The following LAP3 variants were observed in gnomAD, a reference collection of about 807,000 sequenced individuals.
LAP3 encodes the protein leucine aminopeptidase 3.
Under a neutral mutation model 58.8 loss-of-function variants are expected in LAP3, and 46 were observed. The ratio of observed to expected loss-of-function variants is 0.78; its 90% CI spans 0.62 to 1.00. LAP3 has a LOEUF of 1.00. Among genes scored for constraint, LAP3 ranks in the 50% least tolerant of loss-of-function variants. LAP3 has a pLI of 0.00. For synonymous variants in LAP3, 257 were observed against 237.7 expected (o/e 1.08, Z -0.75); for missense variants, 615 against 659.1 (o/e 0.93, Z 0.73).
intron 8 of LAP3, 72 bp from the exon 9 acceptor site, chr4:17,596,973 TG>T: frequency 7.4e-7 from 1 of 1,353,418 alleles, no homozygotes; most frequent in Non-Finnish European, 1.1e-6. Flanking sequence ...GGCTCACAGG[TG>T]GCCTCTTGTC....
intron 10 of LAP3, among the ~76,000 whole-genome samples, chr4:17,601,329 T>A (rs980924827): frequency 6.6e-6 from 1 of 152,190 alleles, no homozygotes; most frequent in Non-Finnish European, 1.5e-5. Context: ...TTTAGCTATA[T>A]AATAAAATCA....
intron 7 of LAP3, among the ~76,000 whole-genome samples, chr4:17,593,613 T>TTTTTTTTGTTTG (rs1713754246): frequency 7.5e-6 from 1 of 132,456 alleles, no homozygotes; most frequent in African/African-American, 2.9e-5. Flanking sequence ...GCTTGGGTTT[T>TTTTTTTTGTTTG]TTTTTTTTTT....
At chr4:17,586,430 T>G (rs1430879058) in intron 6 of LAP3, among the ~76,000 whole-genome samples, 1 of 152,204 alleles carries the variant, frequency 6.6e-6, no homozygotes, top group Non-Finnish European at 1.5e-5. Context: ...ATAAAATTTC[T>G]GGAATGGTTA....
Position 17,579,921 on chromosome 4 carries a change from TGA to T in LAP3, c.207_208del (p.Glu69AspfsTer47). 6.2e-7 allele frequency: 1 copy of T among 1,604,580 alleles called. No homozygotes were observed. The highest frequency in any genetic ancestry group is 8.5e-7 in the Non-Finnish European group (1 of 1,172,056). ...TTTGATAAATTGTTAGCTGGAAAGCTGAGAGAGACTTTGAACATGTAAGTGTT... is the reference window on the plus strand; with the variant it reads ...TTTGATAAATTGTTAGCTGGAAAGCTGAGAGACTTTGAACATGTAAGTGTT... On this transcript the variant is annotated frameshift_variant, in exon 2 of 13. Transcript: ENST00000226299. LOFTEE classifies it high-confidence loss of function.
Position 17,598,446 on chromosome 4 carries a change from C to T in LAP3, c.1078-10C>T. The T allele has an allele frequency of 1.9e-6, 3 of 1,595,980 alleles. No individual in the cohort carries two copies. The highest frequency in any genetic ancestry group is 2.2e-5 in the East Asian group (1 of 44,774). The stretch of plus-strand genomic sequence containing the variant: ...GCGCTGTCACCCTTTCTGTTTTTGA[C>T]CCTCTGCAGGTTGATAACACTGATG... On this transcript the variant is annotated splice_polypyrimidine_tract_variant and intron_variant, in intron 9 of 12. Transcript: ENST00000226299.
intron 7 of LAP3, among the ~76,000 whole-genome samples, chr4:17,589,192 C>T (rs924979891): frequency 6.6e-5 from 10 of 151,914 alleles, no homozygotes; most frequent in African/African-American, 2.4e-4. Flanking sequence ...TCCCAAGTAG[C>T]TGGGATTACA....
chr4:17,588,618 TGAG>T (rs1261831879), intron 6 of LAP3, among the ~76,000 whole-genome samples, 198 bp from the exon 7 acceptor site: 3 of 152,176 alleles, frequency 2.0e-5, no homozygotes, highest in African/African-American at 7.2e-5. Flanking sequence ...ATTTTATAGA[TGAG>T]GAAATAGGCT....
intron 7 of LAP3, 90 bp downstream of exon 7, chr4:17,589,067 T>A (rs1298783797): frequency 1.1e-4 from 158 of 1,384,944 alleles, no homozygotes; most frequent in Non-Finnish European, 1.4e-4. Context: ...GGTTTGATTT[T>A]TTTTTTTTTT....
At chr4:17,597,020 G>T (rs761449050) in intron 8 of LAP3, 26 bp from the exon 9 acceptor site, 2 of 1,611,042 alleles carry the variant, frequency 1.2e-6, no homozygotes, top group East Asian at 2.2e-5. Context: ...TATATACTGT[G>T]TGCCTTCATA....
At chr4:17,604,717 T>G in intron 11 of LAP3, 50 bp downstream of exon 11, 1 of 1,363,188 alleles carries the variant, frequency 7.3e-7, no homozygotes, top group Non-Finnish European at 1.1e-6. Flanking sequence ...GAATAAATTA[T>G]TCTAGCCTTA....
Position 17,577,279 on chromosome 4 carries a change from A to T in LAP3, c.-187A>T. ...GAGTCCCCTCCACAACCGCGGTTTG[A>T]TCCCAGCGGTCCAGTCGGCCGGTGC... On this transcript the variant is annotated 5_prime_UTR_variant, in exon 1 of 13. Coordinates refer to ENST00000226299, the MANE Select transcript of LAP3 (RefSeq NM_015907.3). 2 of 88,688 alleles carry T rather than the reference A, an allele frequency of 2.3e-5. No homozygotes were observed. Among genetic ancestry groups the T allele is most frequent in the Non-Finnish European group, 2.0e-5 (1 of 49,710 alleles). 5.5% of individuals were successfully genotyped at this position (88,688 alleles called of 1,614,324 possible).
chr4:17,603,083 G>A (rs1015058446), intron 10 of LAP3, among the ~76,000 whole-genome samples: 21 of 151,582 alleles, frequency 1.4e-4, no homozygotes, highest in African/African-American at 2.4e-4. Context: ...CGAGGTGGGT[G>A]GATCACGAGG....
At chr4:17,593,936 C>T (rs1056782872) in intron 7 of LAP3, among the ~76,000 whole-genome samples, 1 of 151,996 alleles carries the variant, frequency 6.6e-6, no homozygotes, top group African/African-American at 2.4e-5. Context: ...TTTCACACAA[C>T]AAAACCTACT....
intron 10 of LAP3, among the ~76,000 whole-genome samples, chr4:17,598,890 C>G (rs564713066): frequency 6.6e-6 from 1 of 152,012 alleles, no homozygotes; most frequent in Non-Finnish European, 1.5e-5. Context: ...GTACGCACCA[C>G]CAGTCCTGGC....
chr4:17,577,285 G>A lies in LAP3; in HGVS notation c.-181G>A. On this transcript the variant is annotated 5_prime_UTR_variant, in exon 1 of 13. Transcript: ENST00000226299. Reference sequence around the variant, plus strand: ...CCTCCACAACCGCGGTTTGATCCCAGCGGTCCAGTCGGCCGGTGCTGCCCA... The same window carrying A: ...CCTCCACAACCGCGGTTTGATCCCAACGGTCCAGTCGGCCGGTGCTGCCCA... 2.7e-5 allele frequency: 3 copies of A among 113,024 alleles called. 1 individual carries two copies. The highest frequency in any genetic ancestry group is 4.6e-5 in the Non-Finnish European group (3 of 64,782). The allele number at this position is 113,024 out of a possible 1,614,324, so 7.0% of individuals were successfully genotyped here. A position where few individuals can be genotyped will look rare whatever the true frequency, so the allele number is the denominator to read the frequency against.
rs377350983 is a variant in LAP3 at position 17,595,495 on chromosome 4, G to C, written c.949G>C (p.Val317Leu). 3 of 1,614,024 alleles carry C rather than the reference G, an allele frequency of 1.9e-6. No individual in the cohort carries two copies. Among genetic ancestry groups the C allele is most frequent in the Non-Finnish European group, 2.5e-6 (3 of 1,179,962 alleles). Reference protein sequence around the residue: ...GGAATICSAIVSAAKLNLPIN... With the variant: ...GGAATICSAILSAAKLNLPIN... ...AGCTGCAACTATATGCTCAGCCATCGTGTCTGCTGCAAAGCTTAATTTGCC... is the reference window on the plus strand; with the variant it reads ...AGCTGCAACTATATGCTCAGCCATCCTGTCTGCTGCAAAGCTTAATTTGCC... The change falls in exon 8 of 13, where the codon GTG becomes CTG. Residue 317 changes from valine (V) to leucine (L), a missense_variant. Physicochemically the swap from Val to Leu is conservative, Grantham distance 32. Transcript: ENST00000226299.
intron 1 of LAP3, among the ~76,000 whole-genome samples, 180 bp downstream of exon 1, chr4:17,577,747 C>T (rs1419279508): frequency 6.6e-6 from 1 of 152,200 alleles, no homozygotes; most frequent in East Asian, 1.9e-4. Context: ...CCCCAGCGGT[C>T]GTATTGAGGG....
At chr4:17,586,861 T>G (rs1430974487) in intron 6 of LAP3, among the ~76,000 whole-genome samples, 4 of 152,110 alleles carry the variant, frequency 2.6e-5, no homozygotes, top group African/African-American at 9.7e-5. Flanking sequence ...ATCCCAGCAC[T>G]TTGGGAGGCT....
chr4:17,598,664 C>T (rs1713894201), intron 10 of LAP3, 106 bp downstream of exon 10: 1 of 729,700 alleles, frequency 1.4e-6, no homozygotes, highest in Non-Finnish European at 2.4e-6. Context: ...TTGGCTTGGT[C>T]CATTGGCATT....
Sources: allele counts gnomAD v4.1 joint callset (sites outside exome capture counted in the v4.1 genomes callset), GRCh38; gene constraint gnomAD v4.1.1; transcripts MANE v1.5; gene names NCBI Gene and HGNC (gene_info 2026-07-23, HGNC 2026-07-21).